Variants in SPTLC3 observed in about 807,000 individuals in gnomAD.
The protein encoded by SPTLC3 is serine palmitoyltransferase 3.
SPTLC3 carries 36 observed loss-of-function variants against 59.3 expected under a neutral mutation model. The ratio of observed to expected loss-of-function variants is 0.61; its 90% CI spans 0.47 to 0.80. The LOEUF (loss-of-function observed/expected upper bound fraction) is 0.80. SPTLC3 is among the 30% of genes least tolerant of loss of function. SPTLC3 has a pLI of 0.00. For synonymous variants in SPTLC3, 257 were observed against 240.8 expected, an observed-to-expected ratio of 1.07 and a Z score of -0.62; for missense variants, 625 against 685.1, an observed-to-expected ratio of 0.91 and a Z score of 0.98.
chr20:13,153,401 A>G (rs1356662359), intron 9 of SPTLC3, among the ~76,000 whole-genome samples: 2 of 152,052 alleles, frequency 1.3e-5, no homozygotes, highest in Non-Finnish European at 2.9e-5. Context: ...CTGGCTTGGG[A>G]AAGCAGGGGT....
At chr20:13,153,498 A>T (rs920354914) in intron 9 of SPTLC3, among the ~76,000 whole-genome samples, 10 of 152,160 alleles carry the variant, frequency 6.6e-5, no homozygotes, top group Admixed American at 5.2e-4. Context: ...TTGTCTATGA[A>T]TATGCTATCC....
At chr20:13,030,136 A>G (rs1264625356) in intron 1 of SPTLC3, among the ~76,000 whole-genome samples, 1 of 152,200 alleles carries the variant, frequency 6.6e-6, no homozygotes, top group Non-Finnish European at 1.5e-5. Context: ...TGCCTCCAGG[A>G]GCCCCACCCT....
intron 6 of SPTLC3, among the ~76,000 whole-genome samples, chr20:13,095,300 G>A (rs374891732): frequency 2.0e-5 from 3 of 152,242 alleles, no homozygotes; most frequent in East Asian, 1.9e-4. Flanking sequence ...ACGTAGTCGG[G>A]GTGTTATCTC....
At chr20:13,117,760 T>A in intron 8 of SPTLC3, 35 bp downstream of exon 8, 2 of 1,565,428 alleles carry the variant, frequency 1.3e-6, no homozygotes. Context: ...GTTTAAAACC[T>A]GAGCGCCCTG....
At chr20:13,109,331 T>A (rs1413982426) in intron 6 of SPTLC3, among the ~76,000 whole-genome samples, 4 of 152,230 alleles carry the variant, frequency 2.6e-5, no homozygotes, top group African/African-American at 9.6e-5. Flanking sequence ...AAGGGTAGTG[T>A]TACAAATGTG....
chr20:13,084,752 A>C (rs1238587965), intron 4 of SPTLC3, among the ~76,000 whole-genome samples: 1 of 152,214 alleles, frequency 6.6e-6, no homozygotes, highest in East Asian at 1.9e-4. Flanking sequence ...ACTTTATAGA[A>C]TATGTGTAGG....
intron 1 of SPTLC3, among the ~76,000 whole-genome samples, chr20:13,029,101 A>T (rs1176912986): frequency 6.6e-6 from 1 of 152,176 alleles, no homozygotes; most frequent in Admixed American, 6.5e-5. Flanking sequence ...GCACCTGGAG[A>T]TATCCCACAG....
chr20:13,070,476 G>A (rs962204093), intron 2 of SPTLC3, among the ~76,000 whole-genome samples: 9 of 152,042 alleles, frequency 5.9e-5, no homozygotes, highest in East Asian at 3.9e-4. Context: ...TGGGCAAAGC[G>A]GTAGCATACG....
At chr20:13,044,896 A>C (rs544852103) in intron 1 of SPTLC3, among the ~76,000 whole-genome samples, 1 of 151,968 alleles carries the variant, frequency 6.6e-6, no homozygotes, top group Admixed American at 6.6e-5. Context: ...CAACCTCCTC[A>C]AGAATCACTC....
chr20:13,129,151 G>C lies in SPTLC3; in HGVS notation c.1279+2434G>C, dbSNP rs192487521. On this transcript the variant is annotated intron_variant, in intron 9 of 11. Transcript: ENST00000399002. ...CAAAGCACTGGGATTACAGGCACGA[G>C]CCACCACACCTGGCCAATTTTTGTA... Among the ~76,000 whole-genome samples the C allele has an allele frequency of 4.4e-3, 668 of 152,176 alleles. 7 individuals carry two copies. Among genetic ancestry groups the C allele is most frequent in the African/African-American group, 0.015 (620 of 41,508 alleles).
chr20:13,070,549 A>G (rs1298126616), intron 2 of SPTLC3, among the ~76,000 whole-genome samples: 1 of 152,234 alleles, frequency 6.6e-6, no homozygotes, highest in Non-Finnish European at 1.5e-5. Context: ...TTCATTTAAT[A>G]AGGGAAAGGA....
chr20:13,126,185 A>G (rs576617585), intron 8 of SPTLC3, among the ~76,000 whole-genome samples: 3 of 152,268 alleles, frequency 2.0e-5, no homozygotes, highest in East Asian at 3.9e-4. Flanking sequence ...TTATTCTACC[A>G]TGCTTGTTCA....
At chr20:13,056,083 A>G (rs1313328520) in intron 2 of SPTLC3, among the ~76,000 whole-genome samples, 4 of 152,206 alleles carry the variant, frequency 2.6e-5, no homozygotes, top group Non-Finnish European at 5.9e-5. Flanking sequence ...TGGATGCATC[A>G]GTTCTGAACG....
At chr20:13,094,998 G>C (rs1044637791) in intron 6 of SPTLC3, among the ~76,000 whole-genome samples, 3 of 152,164 alleles carry the variant, frequency 2.0e-5, no homozygotes, top group Non-Finnish European at 4.4e-5. Flanking sequence ...TTTCAGTTCT[G>C]CCTGAAATAT....
chr20:13,091,011 C>T lies in SPTLC3; in HGVS notation c.608-72C>T. The T allele has an allele frequency of 6.3e-6, 10 of 1,587,402 alleles. No homozygotes were observed. In the South Asian group the frequency reaches 8.0e-5, roughly 13 times the overall value. ...TAGGTCTTTTGGTGATGTGTACGTA[C>T]TGGAATTTGAGTTTTCAATCTTGGC... On this transcript the variant is annotated intron_variant, in intron 4 of 11. Transcript: ENST00000399002.
rs920534003 is a variant in SPTLC3, at chr20:13,074,416, A to G, written c.526A>G (p.Lys176Glu). ...CTATAACTTCCTTGGTCTTGCAGCC[A>G]AGTATGATGAGTCTATGAGGACAAT... Reference protein sequence around the residue: ...GSYNFLGLAAKYDESMRTIKD... With the variant: ...GSYNFLGLAAEYDESMRTIKD... The change falls in exon 4 of 12, where the codon AAG (lysine) becomes GAG (glutamate). Residue 176 changes from lysine to glutamate, a missense_variant. Physicochemically the swap from Lys to Glu is moderately conservative, Grantham distance 56. Transcript: ENST00000399002. 1 of 1,614,002 alleles carries G rather than the reference A, an allele frequency of 6.2e-7. No homozygotes were observed. Among genetic ancestry groups the G allele is most frequent in the Non-Finnish European group, 8.5e-7 (1 of 1,179,986 alleles).
chr20:13,082,876 C>T (rs897128027), intron 4 of SPTLC3, among the ~76,000 whole-genome samples: 5 of 152,228 alleles, frequency 3.3e-5, no homozygotes, highest in Middle Eastern at 6.8e-3. Flanking sequence ...CTTTTAAGGC[C>T]AGTGATATCA....
intron 10 of SPTLC3, 103 bp from the exon 11 acceptor site, chr20:13,159,886 TAAAAAAGAAAAAAG>T (rs374709535): frequency 6.5e-5 from 89 of 1,363,330 alleles, no homozygotes; most frequent in Non-Finnish European, 8.5e-5. Context: ...CTTATTATCA[TAAAAAAGAAAAAAG>T]AAAAAAGAAA....
chr20:13,106,431 C>T (rs992168832), intron 6 of SPTLC3, among the ~76,000 whole-genome samples: 3 of 152,116 alleles, frequency 2.0e-5, no homozygotes, highest in Admixed American at 2.0e-4. Flanking sequence ...GGAGGAAGCC[C>T]TTAACTCTGT....
Sources: gnomAD v4.1 joint callset for allele counts (sites outside exome capture counted in the v4.1 genomes callset) on GRCh38, gnomAD v4.1.1 for gene constraint, MANE v1.5 for transcripts, NCBI Gene and HGNC (gene_info 2026-07-23, HGNC 2026-07-21) for gene names.